Variants in DOCK7 observed in about 807,000 individuals in gnomAD.
The protein encoded by DOCK7 is dedicator of cytokinesis protein 7.
A neutral mutation model predicts 271.0 loss-of-function variants in DOCK7; 138 were observed. The observed-to-expected ratio is 0.51, with a 90% CI of 0.44 to 0.59. The LOEUF is 0.59. Among genes scored for constraint, DOCK7 ranks in the 20% least tolerant of loss-of-function variants. DOCK7 has a pLI of 0.00. For synonymous variants in DOCK7, 823 were observed against 876.1 expected (o/e 0.94, Z 1.07); for missense variants, 2,066 against 2,592.4 (o/e 0.80, Z 4.41).
intron 2 of DOCK7, among the ~76,000 whole-genome samples, chr1:62,657,784 A>C (rs1658201835): frequency 6.6e-6 from 1 of 152,178 alleles, no homozygotes; most frequent in Non-Finnish European, 1.5e-5. Flanking sequence ...AATAGCAGAA[A>C]AGAGGGGACA....
intron 14 of DOCK7, among the ~76,000 whole-genome samples, chr1:62,601,467 A>G (rs1425373049): frequency 6.6e-6 from 1 of 151,684 alleles, no homozygotes; most frequent in Non-Finnish European, 1.5e-5. Context: ...AAGGAGAACA[A>G]TCTCCTGTTT....
chr1:62,659,080 G>A (rs1281017997), intron 2 of DOCK7, among the ~76,000 whole-genome samples: 1 of 151,966 alleles, frequency 6.6e-6, no homozygotes, highest in African/African-American at 2.4e-5. Flanking sequence ...AAACCAAAAG[G>A]AAATAATAAA....
At chr1:62,604,058 A>G in intron 14 of DOCK7, 1 of 1,613,288 alleles carries the variant, frequency 6.2e-7, no homozygotes, top group Non-Finnish European at 8.5e-7. Context: ...CTGGAAAGAC[A>G]ACAAACATTA....
chr1:62,506,124 A>C (rs1035842417), intron 35 of DOCK7, among the ~76,000 whole-genome samples: 1 of 152,160 alleles, frequency 6.6e-6, no homozygotes, highest in African/African-American at 2.4e-5. Flanking sequence ...CTTGAGGTTC[A>C]TGTAGAAAAT....
In DOCK7 at chr1:62,491,943, C is replaced by T. The variant is rs372666922; in HGVS notation, c.5361+761G>A. ...ACACTGGTGGGTCTGGGCACAGTAG[C>T]TCATGCCTGTAATTCTAACACTTTG... On this transcript the variant is annotated intron_variant, in intron 41 of 49. Transcript: ENST00000635253. Among the ~76,000 whole-genome samples, 3 of 152,280 alleles carry T rather than the reference C, an allele frequency of 2.0e-5. No individual in the cohort carries two copies. In the East Asian group the frequency reaches 5.8e-4, roughly 29 times the overall value.
chr1:62,655,964 C>G lies in DOCK7; in HGVS notation c.145-1805G>C, dbSNP rs1368323980. Among the ~76,000 whole-genome samples the G allele has an allele frequency of 2.6e-5, 4 of 152,136 alleles. No homozygotes were observed. In the South Asian group the frequency reaches 8.3e-4, roughly 32 times the overall value. ...AAAATGGTAGAGCAGAAATTTGAAACTGGGTTTTCGAGCTCTAAAATTTTT... is the reference window on the plus strand; with the variant it reads ...AAAATGGTAGAGCAGAAATTTGAAAGTGGGTTTTCGAGCTCTAAAATTTTT... On this transcript the variant is annotated intron_variant, in intron 2 of 49. Transcript: ENST00000635253.
At chr1:62,504,585 A>G in intron 37 of DOCK7, 45 bp downstream of exon 37, 1 of 1,572,104 alleles carries the variant, frequency 6.4e-7, no homozygotes. Context: ...AGCAGAAGTT[A>G]TATTTCATTA....
intron 29 of DOCK7, among the ~76,000 whole-genome samples, chr1:62,531,795 G>T (rs190677898): frequency 5.7e-4 from 87 of 152,262 alleles, no homozygotes; most frequent in African/African-American, 2.0e-3. Flanking sequence ...GATGAGATAT[G>T]AGTTTCTTAC....
intron 2 of DOCK7, among the ~76,000 whole-genome samples, chr1:62,658,106 T>C (rs1345403806): frequency 3.5e-5 from 5 of 142,942 alleles, no homozygotes; most frequent in Admixed American, 1.4e-4. Context: ...CAAAGAAATA[T>C]GTACCATGAC....
intron 43 of DOCK7, chr1:62,482,293 G>A (rs1192613498): frequency 6.6e-6 from 1 of 151,528 alleles, no homozygotes; most frequent in Non-Finnish European, 1.5e-5. Flanking sequence ...CTGTTAGTAA[G>A]TGGTGGAGTG....
At chr1:62,553,002 A>C in intron 21 of DOCK7, 101 bp from the exon 22 acceptor site, 3 of 829,762 alleles carry the variant, frequency 3.6e-6, no homozygotes, top group Non-Finnish European at 5.0e-6. Context: ...AAAGATCATG[A>C]ATTGCTTTGG....
At chr1:62,630,925 C>G (rs564140212) in intron 11 of DOCK7, among the ~76,000 whole-genome samples, 198 of 152,182 alleles carry the variant, frequency 1.3e-3, no homozygotes, top group African/African-American at 4.7e-3. Context: ...TGGCTCACAT[C>G]TATAATCCCA....
intron 4 of DOCK7, among the ~76,000 whole-genome samples, chr1:62,651,047 A>C (rs1304899611): frequency 6.6e-6 from 1 of 152,068 alleles, no homozygotes; most frequent in African/African-American, 2.4e-5. Flanking sequence ...AACCAACCCA[A>C]ATGTCCATCA....
At chr1:62,529,235 T>C (rs375581228) in intron 30 of DOCK7, 42 bp downstream of exon 30, 12 of 1,507,588 alleles carry the variant, frequency 8.0e-6, no homozygotes, top group South Asian at 2.7e-5. Flanking sequence ...CTTTTAAACA[T>C]TGAGCTTTGC....
intron 18 of DOCK7, among the ~76,000 whole-genome samples, chr1:62,568,876 T>C (rs71440884): frequency 7.1e-6 from 1 of 140,658 alleles, no homozygotes; most frequent in Non-Finnish European, 1.5e-5. Flanking sequence ...AAGAGAAGAA[T>C]CAAATAGACA....
intron 14 of DOCK7, among the ~76,000 whole-genome samples, chr1:62,602,663 A>G (rs910532359): frequency 2.6e-5 from 4 of 151,706 alleles, no homozygotes; most frequent in African/African-American, 9.7e-5. Context: ...TATTAAAGAC[A>G]ATTTTGATTA....
intron 22 of DOCK7, among the ~76,000 whole-genome samples, chr1:62,552,199 T>C (rs1372201503): frequency 6.7e-6 from 1 of 150,332 alleles, no homozygotes; most frequent in Non-Finnish European, 1.5e-5. Context: ...TTCTTAAACA[T>C]GGAAATAAAT....
Position 62,539,558 on chromosome 1 carries a change from G to T in DOCK7, c.3287C>A (p.Ser1096Tyr). 1 of 1,609,640 alleles carries T rather than the reference G, an allele frequency of 6.2e-7. No individual in the cohort carries two copies. The highest frequency in any genetic ancestry group is 1.1e-5 in the South Asian group (1 of 89,862). The change falls in exon 27 of 50, where the codon TCC becomes TAC. Residue 1096 changes from serine (S) to tyrosine (Y), a missense_variant. Transcript: ENST00000635253. ...DRGFVFSLIK[S>Y]CYKQVSSKLY... is the part of the protein sequence containing the mutation. ...ACTATGCATTACCTGTTTATAGCAG[G>T]ACTTTATAAGGCTAAAAACAAATCC...
intron 43 of DOCK7, chr1:62,478,668 C>G (rs1646033070): frequency 6.6e-6 from 1 of 152,148 alleles, no homozygotes; most frequent in South Asian, 2.1e-4. Flanking sequence ...CCACCTCAGC[C>G]TCCCAAAGTG....
Sources: allele counts gnomAD v4.1 joint callset (sites outside exome capture counted in the v4.1 genomes callset), GRCh38; gene constraint gnomAD v4.1.1; transcripts MANE v1.5; gene names NCBI Gene and HGNC (gene_info 2026-07-23, HGNC 2026-07-21).